PCDHGA11: variants seen among roughly 807,000 people sequenced by gnomAD.
PCDHGA11 encodes the protein protocadherin gamma subfamily A, 11.
In PCDHGA11, 39 loss-of-function variants were observed where a neutral mutation model predicts 60.4. The observed-to-expected ratio is 0.65, with a 90% CI of 0.50 to 0.84. The LOEUF (loss-of-function observed/expected upper bound fraction) is 0.84, where lower values mean the gene tolerates loss of function less well. Among genes scored for constraint, PCDHGA11 ranks in the 40% least tolerant of loss-of-function variants. The probability of loss-of-function intolerance (pLI) is 0.00; values close to 1 mark genes in which losing one functional copy is unlikely to be tolerated. For missense variants in PCDHGA11, 1,165 were observed against 1,197.7 expected (o/e 0.97, Z 0.40); for synonymous variants, 533 against 510.3 (o/e 1.04, Z -0.60).
intron 2 of PCDHGA11, 54 bp downstream of exon 2, chr5:141,494,919 T>A: frequency 6.2e-7 from 1 of 1,613,926 alleles, no homozygotes; most frequent in South Asian, 1.1e-5. Flanking sequence ...TTCTCAGGGA[T>A]GACGTGGGAG....
chr5:141,436,859 A>T (rs550974791), intron 1 of PCDHGA11, among the ~76,000 whole-genome samples: 1 of 152,250 alleles, frequency 6.6e-6, no homozygotes, highest in Non-Finnish European at 1.5e-5. Flanking sequence ...TTGAGAAGCC[A>T]CAGTTTTAGG....
Position 141,421,306 on chromosome 5 carries a change from T to C in PCDHGA11, c.79T>C (p.Phe27Leu), listed in dbSNP as rs1356157966. 1 of 1,613,564 alleles carries C rather than the reference T, an allele frequency of 6.2e-7. No individual in the cohort carries two copies. Among genetic ancestry groups the C allele is most frequent in the South Asian group, 1.1e-5 (1 of 91,076 alleles). ...CATTTTCCTGGGGACGCTGCGGGGG[T>C]TCCGGGCCAGGCAGATCCGATATTC... Reference protein sequence around the residue: ...LCIFLGTLRGFRARQIRYSVP... With the variant: ...LCIFLGTLRGLRARQIRYSVP... The change falls in exon 1 of 4, where the codon TTC (phenylalanine) becomes CTC (leucine). Residue 27 changes from phenylalanine (F) to leucine (L), a missense_variant. Physicochemically the swap from Phe to Leu is conservative, Grantham distance 22 (BLOSUM62 0). Transcript: ENST00000398587.
intron 1 of PCDHGA11, chr5:141,478,760 C>T (rs1472984737): frequency 1.5e-5 from 23 of 1,510,888 alleles, no homozygotes; most frequent in Non-Finnish European, 1.9e-5. Context: ...GGGGAAGATA[C>T]TTGACTCATC....
At chr5:141,442,837 A>C (rs2098346617) in intron 1 of PCDHGA11, among the ~76,000 whole-genome samples, 1 of 152,202 alleles carries the variant, frequency 6.6e-6, no homozygotes, top group South Asian at 2.1e-4. Flanking sequence ...GGGAGGGACA[A>C]ATCTTGGCCA....
In PCDHGA11 at chr5:141,491,841, A is replaced by T. The variant is rs995010359; in HGVS notation, c.2434-2966A>T. The T allele has an allele frequency of 1.4e-6, 2 of 1,465,172 alleles. No homozygotes were observed. The highest frequency in any genetic ancestry group is 1.4e-5 in the African/African-American group (1 of 69,948). 90.8% of individuals were successfully genotyped at this position (1,465,172 alleles called of 1,614,324 possible). ...TGCGCTCCACCCGATTCTCGGGATC[A>T]TTGGACCGTTTGCGCGAAACCAGAG... is the stretch of plus-strand genomic sequence containing the variant. On this transcript the variant is annotated intron_variant, in intron 1 of 3. Transcript: ENST00000398587. The surrounding 1 kb of genome is among the most constrained non-coding windows in gnomAD (Gnocchi z 6.9).
chr5:141,431,768 G>T lies in PCDHGA11; in HGVS notation c.2433+8108G>T. 6.2e-7 allele frequency: 1 copy of T among 1,614,218 alleles called. No individual in the cohort carries two copies. The highest frequency in any genetic ancestry group is 8.5e-7 in the Non-Finnish European group (1 of 1,180,036). On this transcript the variant is annotated intron_variant, in intron 1 of 3. Coordinates refer to ENST00000398587, the MANE Select transcript of PCDHGA11 (RefSeq NM_018914.3). The surrounding 1 kb of genome is among the most constrained non-coding windows in gnomAD (Gnocchi z 4.8). ...TGCGCGAGCCAAAGTCCTGATCACT[G>T]TTCTGGACGTGAACGACAATGCCCC...
In PCDHGA11 at chr5:141,421,232, C is replaced by T. The variant is rs748347420; in HGVS notation, c.5C>T (p.Ala2Val). M[A>V]NRLQRGDRSR... ...AATATCGGCTTAGAGCCTGCCATGGCGAATCGGCTACAGCGCGGGGACCGC... is the reference window on the plus strand; with the variant it reads ...AATATCGGCTTAGAGCCTGCCATGGTGAATCGGCTACAGCGCGGGGACCGC... Residue 2 changes from alanine to valine, a missense_variant, in exon 1 of 4, where the codon GCG becomes GTG. Ala to Val is a moderately conservative substitution (Grantham distance 64, BLOSUM62 0). Transcript: ENST00000398587. 2.5e-6 allele frequency: 4 copies of T among 1,590,252 alleles called. No individual in the cohort carries two copies. Among genetic ancestry groups the T allele is most frequent in the African/African-American group, 2.7e-5 (2 of 74,228 alleles).
intron 1 of PCDHGA11, among the ~76,000 whole-genome samples, chr5:141,463,736 G>A (rs757788192): frequency 1.3e-5 from 2 of 151,992 alleles, no homozygotes; most frequent in East Asian, 3.9e-4. Flanking sequence ...ATGAGCCACC[G>A]CGCCCGGCCT....
chr5:141,493,784 T>A lies in PCDHGA11; in HGVS notation c.2434-1023T>A, dbSNP rs1368708028. ...AGCCACTGGCAGTTCCGGAGCTTCC[T>A]TCTCCCTGGAGTAATCTGAGATACT... On this transcript the variant is annotated intron_variant, in intron 1 of 3. Coordinates refer to ENST00000398587, the MANE Select transcript of PCDHGA11 (RefSeq NM_018914.3). This position sits in a 1 kb window ranked among gnomAD's most constrained non-coding sequence, Gnocchi z 4.3. 1.3e-5 allele frequency among the ~76,000 whole-genome samples: 2 copies of A among 152,194 alleles called. No individual in the cohort carries two copies. Among genetic ancestry groups the A allele is most frequent in the Non-Finnish European group, 2.9e-5 (2 of 68,032 alleles).
intron 1 of PCDHGA11, among the ~76,000 whole-genome samples, chr5:141,439,635 C>T (rs1326926948): frequency 3.3e-5 from 5 of 152,274 alleles, no homozygotes; most frequent in Middle Eastern, 3.4e-3. Context: ...CCAGACATTC[C>T]GGCTTGGTGG....
At chr5:141,504,302 C>T (rs969760258) in intron 2 of PCDHGA11, among the ~76,000 whole-genome samples, 9 of 152,004 alleles carry the variant, frequency 5.9e-5, no homozygotes, top group African/African-American at 1.5e-4. Context: ...TTTCAACACT[C>T]GGAGTTTCTA....
intron 1 of PCDHGA11, among the ~76,000 whole-genome samples, chr5:141,446,824 A>T (rs973108119): frequency 1.3e-5 from 2 of 152,156 alleles, no homozygotes; most frequent in African/African-American, 4.8e-5. Flanking sequence ...AGATGGGTAG[A>T]TCCTTATAAG....
chr5:141,421,214 G>T lies in PCDHGA11; in HGVS notation c.-14G>T, dbSNP rs1469085534. 8 of 1,561,612 alleles carry T rather than the reference G, an allele frequency of 5.1e-6. No homozygotes were observed. Among genetic ancestry groups the T allele is most frequent in the Non-Finnish European group, 6.9e-6 (8 of 1,156,948 alleles). Reference sequence around the variant, plus strand: ...CAGCTCGAGAAACCGCGGAATATCGGCTTAGAGCCTGCCATGGCGAATCGG... The same window carrying T: ...CAGCTCGAGAAACCGCGGAATATCGTCTTAGAGCCTGCCATGGCGAATCGG... On this transcript the variant is annotated 5_prime_UTR_variant, in exon 1 of 4. Transcript: ENST00000398587.
intron 1 of PCDHGA11, chr5:141,426,778 C>A (rs780981970): frequency 2.2e-6 from 1 of 456,716 alleles, no homozygotes; most frequent in South Asian, 1.5e-5. Context: ...GGGCCTCACT[C>A]TCTCCAGAGT....
At chr5:141,484,499 A>G (rs567556335) in intron 1 of PCDHGA11, among the ~76,000 whole-genome samples, 20 of 152,344 alleles carry the variant, frequency 1.3e-4, no homozygotes, top group African/African-American at 4.6e-4. Flanking sequence ...CCGTTTCTGA[A>G]TATTCTGCAG....
In PCDHGA11 at chr5:141,490,499, A is replaced by G. The variant is rs1269710790; in HGVS notation, c.2434-4308A>G. On this transcript the variant is annotated intron_variant, in intron 1 of 3. Coordinates refer to ENST00000398587, the MANE Select transcript of PCDHGA11 (RefSeq NM_018914.3). The surrounding 1 kb of genome is among the most constrained non-coding windows in gnomAD (Gnocchi z 5.4). ...TTGGACCGGGAGGCCACATCCCACT[A>G]TATCATCGAGCTGCTGGCCAGCGAT... 1.2e-6 allele frequency: 2 copies of G among 1,614,148 alleles called. No homozygotes were observed. Among genetic ancestry groups the G allele is most frequent in the Non-Finnish European group, 8.5e-7 (1 of 1,180,020 alleles).
intron 1 of PCDHGA11, chr5:141,424,411 C>T (rs1259102577): frequency 6.6e-6 from 1 of 152,154 alleles, no homozygotes; most frequent in Admixed American, 6.5e-5. Flanking sequence ...GGTGAAGTTA[C>T]ATTGACTGTT....
chr5:141,480,381 C>T (rs1018981416), intron 1 of PCDHGA11, among the ~76,000 whole-genome samples: 2 of 151,926 alleles, frequency 1.3e-5, no homozygotes, highest in Non-Finnish European at 2.9e-5. Context: ...CACCACTACA[C>T]TTCAACCATG....
At chr5:141,453,014 G>A (rs2098753820) in intron 1 of PCDHGA11, among the ~76,000 whole-genome samples, 1 of 152,206 alleles carries the variant, frequency 6.6e-6, no homozygotes, top group Non-Finnish European at 1.5e-5. Flanking sequence ...GTATAGTTAT[G>A]TGATTCATTA....
Sources: gnomAD v4.1 joint callset for allele counts (sites outside exome capture counted in the v4.1 genomes callset) on GRCh38, gnomAD v4.1.1 for gene constraint, Gnocchi (gnomAD v3.1) non-coding constraint, MANE v1.5 for transcripts, NCBI Gene and HGNC (gene_info 2026-07-23, HGNC 2026-07-21) for gene names.